The following GLRX3 variants were observed in gnomAD, a reference collection of about 807,000 sequenced individuals.
GLRX3 encodes the protein glutaredoxin 3.
GLRX3 carries 22 observed loss-of-function variants against 49.5 expected under a neutral mutation model. That is an observed-to-expected ratio of 0.44 (90% CI 0.32 to 0.63). The LOEUF is 0.63. Among genes scored for constraint, GLRX3 ranks in the 30% least tolerant of loss-of-function variants. The pLI is 0.05. For missense variants in GLRX3, 385 were observed against 396.3 expected, an observed-to-expected ratio of 0.97 and a Z score of 0.24; for synonymous variants, 133 against 140.0, an observed-to-expected ratio of 0.95 and a Z score of 0.35.
intron 2 of GLRX3, among the ~76,000 whole-genome samples, chr10:130,154,947 G>T (rs563453968): frequency 6.6e-6 from 1 of 152,130 alleles, no homozygotes; most frequent in Non-Finnish European, 1.5e-5. Flanking sequence ...GATTGGGCTG[G>T]AAGGGTGTAT....
intron 1 of GLRX3, among the ~76,000 whole-genome samples, chr10:130,137,299 C>T (rs922146016): frequency 1.3e-5 from 2 of 152,196 alleles, no homozygotes; most frequent in African/African-American, 4.8e-5. Flanking sequence ...GGACTAGAAG[C>T]TCTGAACTGC....
Position 130,171,568 on chromosome 10 carries a change from A to ATT in GLRX3, c.772-9_772-8dup. On this transcript the variant is annotated splice_polypyrimidine_tract_variant and intron_variant, in intron 7 of 10. Coordinates refer to ENST00000331244, the MANE Select transcript of GLRX3 (RefSeq NM_006541.5). Reference sequence around the variant, plus strand: ...CATACAAAAATTGTAATCTTTGCAAATTTTTTTTCATTTAGGAAGCAAAAT... The same window carrying ATT: ...CATACAAAAATTGTAATCTTTGCAAATTTTTTTTTTCATTTAGGAAGCAAAAT... The ATT allele has an allele frequency of 6.9e-7, 1 of 1,445,410 alleles. No homozygotes were observed. The highest frequency in any genetic ancestry group is 1.4e-5 in the African/African-American group (1 of 71,682). 89.5% of individuals were successfully genotyped at this position (1,445,410 alleles called of 1,614,324 possible). A position where few individuals can be genotyped will look rare whatever the true frequency, so the allele number is the denominator to read the frequency against.
chr10:130,178,529 T>C (rs1681939284), intron 10 of GLRX3, among the ~76,000 whole-genome samples: 1 of 151,680 alleles, frequency 6.6e-6, no homozygotes, highest in Admixed American at 6.6e-5. Flanking sequence ...GCTGGGATTA[T>C]AGGTGTGAGC....
intron 4 of GLRX3, among the ~76,000 whole-genome samples, chr10:130,163,638 T>C (rs1248804896): frequency 1.3e-5 from 2 of 152,196 alleles, no homozygotes; most frequent in Non-Finnish European, 2.9e-5. Flanking sequence ...ATATAGTAAA[T>C]AGATCATTTA....
At chr10:130,161,109 T>G in intron 4 of GLRX3, 112 bp downstream of exon 4, 1 of 702,516 alleles carries the variant, frequency 1.4e-6, no homozygotes, top group Non-Finnish European at 2.5e-6. Context: ...ATCTTATACT[T>G]GTGTTCACAT....
At position 130,166,782 on chromosome 10, in the gene GLRX3, T is replaced by A; in HGVS notation, c.651+103T>A. The A allele has an allele frequency of 6.2e-6, 6 of 972,594 alleles. No homozygotes were observed. The South Asian group carries it at 8.6e-5, about 14-fold the overall frequency. The allele number at this position is 972,594 out of a possible 1,614,324, so 60.2% of individuals were successfully genotyped here. A position where few individuals can be genotyped will look rare whatever the true frequency, so the allele number is the denominator to read the frequency against. The stretch of plus-strand genomic sequence containing the variant: ...GATACAAATTTCTTATGAATCTATA[T>A]TTACTAATAAGAACCTGCAATGAAT... On this transcript the variant is annotated intron_variant, in intron 5 of 10. Coordinates refer to ENST00000331244, the MANE Select transcript of GLRX3 (RefSeq NM_006541.5).
At chr10:130,158,523 A>C (rs1294481389) in intron 2 of GLRX3, among the ~76,000 whole-genome samples, 1 of 152,192 alleles carries the variant, frequency 6.6e-6, no homozygotes, top group Non-Finnish European at 1.5e-5. Flanking sequence ...GTTAGAATTC[A>C]GTAGTACTGA....
At chr10:130,162,914 G>A (rs1862602151) in intron 4 of GLRX3, among the ~76,000 whole-genome samples, 1 of 152,122 alleles carries the variant, frequency 6.6e-6, no homozygotes, top group Non-Finnish European at 1.5e-5. Flanking sequence ...GCCAATCTTG[G>A]AGGGCCTTTT....
At chr10:130,162,482 CAT>C (rs1287102070) in intron 4 of GLRX3, among the ~76,000 whole-genome samples, 1 of 152,212 alleles carries the variant, frequency 6.6e-6, no homozygotes, top group African/African-American at 2.4e-5. Flanking sequence ...TTCCATGAAA[CAT>C]GAAAATTATT....
At chr10:130,161,078 T>G in intron 4 of GLRX3, 81 bp downstream of exon 4, 1 of 897,200 alleles carries the variant, frequency 1.1e-6, no homozygotes, top group Non-Finnish European at 1.8e-6. Context: ...GCATCCTGTT[T>G]CCAAGGATGC....
downstream of GLRX3, among the ~76,000 whole-genome samples, chr10:130,179,862 C>T (rs1349983421): frequency 6.6e-6 from 1 of 152,188 alleles, no homozygotes; most frequent in Non-Finnish European, 1.5e-5. Context: ...AAATTAGTTT[C>T]TGATGTCATT....
chr10:130,158,929 G>T (rs763364236), intron 2 of GLRX3, among the ~76,000 whole-genome samples: 31 of 152,120 alleles, frequency 2.0e-4, no homozygotes, highest in Non-Finnish European at 4.3e-4. Context: ...GAATGTAGGA[G>T]ATAGAAGATA....
chr10:130,145,734 C>G (rs1323075172), intron 2 of GLRX3, among the ~76,000 whole-genome samples: 1 of 151,878 alleles, frequency 6.6e-6, no homozygotes, highest in Non-Finnish European at 1.5e-5. Context: ...TATGGAATTC[C>G]AAATATGTAT....
At chr10:130,140,090 G>C (rs189294829) in intron 1 of GLRX3, among the ~76,000 whole-genome samples, 147 of 152,324 alleles carry the variant, frequency 9.7e-4, no homozygotes, top group Non-Finnish European at 1.7e-3. Flanking sequence ...TGAAATCTCA[G>C]CTGGTTTGTA....
At chr10:130,178,884 A>G (rs1449831662) in intron 10 of GLRX3, among the ~76,000 whole-genome samples, 1 of 151,576 alleles carries the variant, frequency 6.6e-6, no homozygotes, top group Non-Finnish European at 1.5e-5. Flanking sequence ...TTGTATTTTT[A>G]GTAGAGACGG....
In GLRX3 at chr10:130,146,310, G is replaced by A. The variant is rs1435142164; in HGVS notation, c.201+991G>A. Among the ~76,000 whole-genome samples the A allele has an allele frequency of 2.0e-5, 3 of 152,220 alleles. No homozygotes were observed. In the South Asian group the frequency reaches 6.2e-4, roughly 32 times the overall value. ...GGAAGGGGTATGTAAATGCTGCTAG[G>A]GACCAGGGAACAGGAAGTTGCTATC... is the stretch of plus-strand genomic sequence containing the variant. On this transcript the variant is annotated intron_variant, in intron 2 of 10. Transcript: ENST00000331244.
At chr10:130,175,432 A>C (rs1278025674) in intron 10 of GLRX3, among the ~76,000 whole-genome samples, 1 of 152,224 alleles carries the variant, frequency 6.6e-6, no homozygotes, top group Non-Finnish European at 1.5e-5. Context: ...CCTTGGGTGC[A>C]TGGAGTGACA....
intron 10 of GLRX3, among the ~76,000 whole-genome samples, chr10:130,178,049 G>T (rs1219523650): frequency 1.3e-5 from 2 of 152,100 alleles, no homozygotes; most frequent in Non-Finnish European, 2.9e-5. Flanking sequence ...CTCTTTTGAT[G>T]CCATGTCTGT....
intron 1 of GLRX3, among the ~76,000 whole-genome samples, chr10:130,140,943 T>A (rs372088365): frequency 5.9e-5 from 9 of 152,232 alleles, no homozygotes; most frequent in African/African-American, 2.2e-4. Flanking sequence ...TTGATACTTA[T>A]GTGTAAGAAA....
Sources: gnomAD v4.1 joint callset for allele counts (sites outside exome capture counted in the v4.1 genomes callset) on GRCh38, gnomAD v4.1.1 for gene constraint, MANE v1.5 for transcripts, NCBI Gene and HGNC (gene_info 2026-07-23, HGNC 2026-07-21) for gene names.